UBE2D2: variants seen among roughly 807,000 people sequenced by gnomAD.
The protein encoded by UBE2D2 is ubiquitin conjugating enzyme E2 D2, also known as ubiquitin-conjugating enzyme E2 D2.
A neutral mutation model predicts 24.2 loss-of-function variants in UBE2D2; 2 were observed. That is an observed-to-expected ratio of 0.08 (90% confidence interval 0.03 to 0.26). UBE2D2 has a LOEUF of 0.26. Ranked by LOEUF, UBE2D2 falls within the 10% of genes least tolerant of loss-of-function variation. UBE2D2 has a pLI of 1.00. For missense variants in UBE2D2, 44 were observed against 177.6 expected (o/e 0.25, Z 4.28); for synonymous variants, 58 against 56.5 (o/e 1.03, Z -0.12).
At chr5:139,611,220 CTT>C (rs1754313285) in intron 2 of UBE2D2, among the ~76,000 whole-genome samples, 3 of 91,952 alleles carry the variant, frequency 3.3e-5, no homozygotes, top group East Asian at 3.7e-4. Flanking sequence ...GAGTTTCGCT[CTT>C]GTTTCCCAGG....
rs929589923 is a variant in UBE2D2, at chr5:139,566,287, G to A, written c.24+4472G>A. On this transcript the variant is annotated intron_variant, in intron 1 of 6. Transcript: ENST00000398733. ...GTCCGTCTCGGCCTCCCAAAGTGTT[G>A]GGATTACAGGTGTAAGCCACTGTGC... Among the ~76,000 whole-genome samples, 4 of 151,966 alleles carry A rather than the reference G, an allele frequency of 2.6e-5. No homozygotes were observed. The South Asian group carries it at 6.2e-4, about 24-fold the overall frequency.
At chr5:139,551,073 G>A (rs1201866911) in intron 1 of UBE2D2, among the ~76,000 whole-genome samples, 2 of 152,140 alleles carry the variant, frequency 1.3e-5, no homozygotes, top group African/African-American at 4.8e-5. Context: ...CGGGGGAGGG[G>A]GGAGGTCACA....
chr5:139,575,352 G>A (rs1387466485), intron 1 of UBE2D2, among the ~76,000 whole-genome samples: 2 of 152,004 alleles, frequency 1.3e-5, no homozygotes, highest in Non-Finnish European at 2.9e-5. Flanking sequence ...CAATAATGTT[G>A]ACCTACGGAA....
chr5:139,570,948 C>T (rs1434442541), intron 1 of UBE2D2, among the ~76,000 whole-genome samples: 1 of 152,190 alleles, frequency 6.6e-6, no homozygotes, highest in Non-Finnish European at 1.5e-5. Flanking sequence ...TGGCTACTCC[C>T]TAGGCAGAGC....
intron 1 of UBE2D2, among the ~76,000 whole-genome samples, chr5:139,540,836 C>CA (rs1437400772): frequency 4.7e-5 from 7 of 149,704 alleles, no homozygotes; most frequent in East Asian, 2.0e-4. Flanking sequence ...ACTAAAAATA[C>CA]AAAAAAAATT....
At position 139,602,331 on chromosome 5, in the gene UBE2D2, C is replaced by T. The variant is rs531468345; in HGVS notation, c.88+1896C>T. Among the ~76,000 whole-genome samples the T allele has an allele frequency of 3.2e-4, 48 of 152,294 alleles. 1 individual carries two copies. Among genetic ancestry groups the T allele is most frequent in the Middle Eastern group, 6.8e-3 (2 of 294 alleles). ...CCTCCCAAAGTTCTGGAATTACAGG[C>T]GTGAGCTACTGCGCCTGGCCTCAAA... On this transcript the variant is annotated intron_variant, in intron 2 of 6. Transcript: ENST00000398733.
chr5:139,575,477 A>AAT (rs1323386306), intron 1 of UBE2D2, among the ~76,000 whole-genome samples: 2 of 152,218 alleles, frequency 1.3e-5, no homozygotes, highest in Non-Finnish European at 2.9e-5. Flanking sequence ...GAAGTCTTAT[A>AAT]ATATTTCTAA....
Position 139,529,498 on chromosome 5 carries a change from G to A in UBE2D2, c.-64+2886G>A, listed in dbSNP as rs554528916. Among the ~76,000 whole-genome samples, 19 of 152,204 alleles carry A rather than the reference G, an allele frequency of 1.2e-4. 1 individual carries two copies. The South Asian group carries it at 3.7e-3, about 30-fold the overall frequency. On this transcript the variant is annotated intron_variant, in intron 1 of 6. Coordinates refer to the UBE2D2 transcript ENST00000511725. ...ATTTATGCGAGATGTGTCAATACTG[G>A]TCTTGTGTCATTTGAGCTACTTAAA... is the stretch of plus-strand genomic sequence containing the variant.
intron 1 of UBE2D2, among the ~76,000 whole-genome samples, chr5:139,566,242 C>T (rs1017779592): frequency 1.3e-5 from 2 of 152,070 alleles, no homozygotes; most frequent in Non-Finnish European, 2.9e-5. Context: ...TGGTCTTGAA[C>T]TCCTGACGTC....
At chr5:139,551,818 T>A (rs1752924057) in intron 1 of UBE2D2, among the ~76,000 whole-genome samples, 1 of 152,216 alleles carries the variant, frequency 6.6e-6, no homozygotes. Context: ...AAAAAAGTTG[T>A]GACTTTTAGG....
At chr5:139,530,745 ATAGT>A (rs1752588882) in intron 1 of UBE2D2, among the ~76,000 whole-genome samples, 1 of 152,212 alleles carries the variant, frequency 6.6e-6, no homozygotes, top group Non-Finnish European at 1.5e-5. Flanking sequence ...AGTTGAGAAT[ATAGT>A]TAAAGATATA....
chr5:139,550,451 C>A (rs981861350), intron 1 of UBE2D2, among the ~76,000 whole-genome samples: 2 of 152,144 alleles, frequency 1.3e-5, no homozygotes. Flanking sequence ...TAAAATGGAC[C>A]AATCAGCTCT....
intron 2 of UBE2D2, among the ~76,000 whole-genome samples, chr5:139,608,980 A>G (rs559917382): frequency 6.6e-6 from 1 of 151,756 alleles, no homozygotes; most frequent in Non-Finnish European, 1.5e-5. Flanking sequence ...CCAGCTACTC[A>G]GGGAGCTGAG....
At chr5:139,601,474 G>A (rs916751680) in intron 2 of UBE2D2, among the ~76,000 whole-genome samples, 1 of 152,136 alleles carries the variant, frequency 6.6e-6, no homozygotes, top group African/African-American at 2.4e-5. Flanking sequence ...CGGGTATGTT[G>A]GTGCATGCTG....
At chr5:139,625,251 A>G (rs888362085) in intron 6 of UBE2D2, among the ~76,000 whole-genome samples, 2 of 149,814 alleles carry the variant, frequency 1.3e-5, no homozygotes, top group African/African-American at 4.9e-5. Context: ...GACTGCTAGT[A>G]CATGCCACTA....
At chr5:139,607,624 A>C (rs533879220) in intron 2 of UBE2D2, among the ~76,000 whole-genome samples, 68 of 152,328 alleles carry the variant, frequency 4.5e-4, no homozygotes, top group Non-Finnish European at 8.4e-4. Flanking sequence ...GTCCTGTTGG[A>C]ATGTTAAACA....
chr5:139,539,153 T>G (rs943271886), intron 1 of UBE2D2, among the ~76,000 whole-genome samples: 1 of 151,536 alleles, frequency 6.6e-6, no homozygotes, highest in Non-Finnish European at 1.5e-5. Context: ...GCCTCCTGAG[T>G]AGCTGGGATT....
chr5:139,603,989 G>T (rs1754138444), intron 2 of UBE2D2, among the ~76,000 whole-genome samples: 1 of 151,628 alleles, frequency 6.6e-6, no homozygotes, highest in East Asian at 1.9e-4. Context: ...ATCAGTAAGA[G>T]AAAAAAATAG....
At chr5:139,595,183 G>T (rs1753934329) in intron 1 of UBE2D2, among the ~76,000 whole-genome samples, 1 of 152,052 alleles carries the variant, frequency 6.6e-6, no homozygotes, top group African/African-American at 2.4e-5. Flanking sequence ...TACGTTTAAA[G>T]CCAACTGTTA....
Sources: gnomAD v4.1 joint callset for allele counts (sites outside exome capture counted in the v4.1 genomes callset) on GRCh38, gnomAD v4.1.1 for gene constraint, MANE v1.5 for transcripts, NCBI Gene and HGNC (gene_info 2026-07-23, HGNC 2026-07-21) for gene names.